CDH12: variants seen among roughly 807,000 people sequenced by gnomAD.
CDH12 encodes cadherin-12.
In CDH12, 41 loss-of-function variants were observed where a neutral mutation model predicts 74.1. That is an observed-to-expected ratio of 0.55 (90% confidence interval 0.43 to 0.72). The LOEUF (loss-of-function observed/expected upper bound fraction) is 0.72. CDH12 is among the 30% of genes least tolerant of loss of function. The pLI is 0.00. For missense variants in CDH12, 945 were observed against 977.2 expected (o/e 0.97, Z 0.44); for synonymous variants, 399 against 355.0 (o/e 1.12, Z -1.39).
chr5:22,823,167 G>A (rs1178635730), intron 1 of CDH12, among the ~76,000 whole-genome samples: 2 of 150,052 alleles, frequency 1.3e-5, no homozygotes, highest in East Asian at 4.0e-4. Flanking sequence ...CTCACTCATA[G>A]GTGGGAATTG....
intron 6 of CDH12, among the ~76,000 whole-genome samples, chr5:21,909,740 CAT>C (rs1753785666): frequency 1.3e-5 from 2 of 152,236 alleles, no homozygotes; most frequent in Middle Eastern, 3.4e-3. Context: ...CTTAGAGAGA[CAT>C]GTGTAAACCC....
intron 2 of CDH12, among the ~76,000 whole-genome samples, chr5:22,477,058 C>T (rs978214162): frequency 2.0e-5 from 3 of 152,052 alleles, no homozygotes; most frequent in Non-Finnish European, 2.9e-5. Flanking sequence ...GTTATACACA[C>T]GCATACACAA....
chr5:22,513,137 T>C (rs1378598813), intron 1 of CDH12, among the ~76,000 whole-genome samples: 1 of 152,160 alleles, frequency 6.6e-6, no homozygotes, highest in Non-Finnish European at 1.5e-5. Flanking sequence ...AAAATCCCAC[T>C]GATATCTCTT....
At chr5:22,417,794 C>A (rs1743463050) in intron 2 of CDH12, among the ~76,000 whole-genome samples, 1 of 152,056 alleles carries the variant, frequency 6.6e-6, no homozygotes, top group Non-Finnish European at 1.5e-5. Context: ...ATTTTCATAA[C>A]CTTTTTACAT....
At chr5:21,909,015 TTCTG>T (rs1045516747) in intron 6 of CDH12, among the ~76,000 whole-genome samples, 5 of 152,222 alleles carry the variant, frequency 3.3e-5, no homozygotes, top group African/African-American at 7.2e-5. Flanking sequence ...TTTCCTTGGC[TTCTG>T]TCTGTTTTTT....
intron 1 of CDH12, among the ~76,000 whole-genome samples, chr5:22,582,900 A>G (rs925089932): frequency 6.6e-5 from 10 of 152,136 alleles, no homozygotes; most frequent in Admixed American, 6.6e-4. Context: ...GGCCAGCACT[A>G]TAGGGGGATT....
chr5:22,293,206 G>T (rs548817665), intron 3 of CDH12, among the ~76,000 whole-genome samples: 2 of 152,090 alleles, frequency 1.3e-5, no homozygotes. Context: ...TAGATTGTGC[G>T]GTCTGACCCC....
intron 1 of CDH12, among the ~76,000 whole-genome samples, chr5:22,519,558 G>A (rs1479239371): frequency 6.6e-6 from 1 of 151,692 alleles, no homozygotes; most frequent in Non-Finnish European, 1.5e-5. Context: ...TGAGTAGCTG[G>A]GACTACAGGC....
chr5:22,370,664 T>C (rs1415969950), intron 3 of CDH12, among the ~76,000 whole-genome samples: 1 of 152,164 alleles, frequency 6.6e-6, no homozygotes, highest in Admixed American at 6.5e-5. Flanking sequence ...AGACATGTGT[T>C]AGTCAAGATT....
At chr5:22,570,500 T>A (rs1739490162) in intron 1 of CDH12, among the ~76,000 whole-genome samples, 1 of 152,100 alleles carries the variant, frequency 6.6e-6, no homozygotes, top group Non-Finnish European at 1.5e-5. Flanking sequence ...AGATGCAATG[T>A]CTATGAGCAG....
At chr5:21,855,882 C>G (rs1458691630) in intron 6 of CDH12, among the ~76,000 whole-genome samples, 1 of 151,606 alleles carries the variant, frequency 6.6e-6, no homozygotes, top group African/African-American at 2.4e-5. Context: ...TTCATTTCTA[C>G]CATTTTCTTT....
intron 1 of CDH12, among the ~76,000 whole-genome samples, chr5:22,775,032 T>C (rs1215304841): frequency 6.6e-6 from 1 of 151,124 alleles, no homozygotes; most frequent in African/African-American, 2.4e-5. Context: ...TTATATAATA[T>C]CTATATATAT....
intron 6 of CDH12, among the ~76,000 whole-genome samples, chr5:21,933,810 G>A (rs952211200): frequency 6.6e-6 from 1 of 152,180 alleles, no homozygotes; most frequent in African/African-American, 2.4e-5. Context: ...GGAGGTGGAG[G>A]AGAAGCGGTA....
intron 1 of CDH12, among the ~76,000 whole-genome samples, chr5:22,582,279 C>CT (rs34750978): frequency 0.15 from 22,544 of 152,102 alleles, 2,188 homozygotes; most frequent in East Asian, 0.33. Flanking sequence ...TTTATCTATG[C>CT]TTTTTTGGCC....
At chr5:22,294,241 G>C (rs1335708383) in intron 3 of CDH12, among the ~76,000 whole-genome samples, 1 of 152,160 alleles carries the variant, frequency 6.6e-6, no homozygotes, top group Non-Finnish European at 1.5e-5. Flanking sequence ...ATTGAGGGAA[G>C]AGTGTTCCCT....
intron 13 of CDH12, among the ~76,000 whole-genome samples, chr5:21,757,857 C>T (rs939943477): frequency 6.6e-6 from 1 of 152,158 alleles, no homozygotes; most frequent in African/African-American, 2.4e-5. Flanking sequence ...CATATTGAAT[C>T]TAGGGCATCT....
Position 21,907,045 on chromosome 5 carries a change from C to A in CDH12, c.527-52255G>T, listed in dbSNP as rs147991802. Among the ~76,000 whole-genome samples the A allele has an allele frequency of 2.6e-3, 390 of 152,284 alleles. 2 individuals are homozygous for A. Among genetic ancestry groups the A allele is most frequent in the African/African-American group, 8.9e-3 (368 of 41,572 alleles). On this transcript the variant is annotated intron_variant, in intron 6 of 14. Coordinates refer to ENST00000382254, the MANE Select transcript of CDH12 (RefSeq NM_004061.5). ...AGCGACTGCGCTAAACCGGCTGTTA[C>A]AAAAGACAGCCTCAGTCTTAATAGA...
chr5:21,848,743 T>C (rs1288482287), intron 7 of CDH12, among the ~76,000 whole-genome samples: 1 of 151,920 alleles, frequency 6.6e-6, no homozygotes, highest in Non-Finnish European at 1.5e-5. Flanking sequence ...AACTCTCCTA[T>C]AGGACTTATG....
chr5:22,775,414 A>T (rs1347953114), intron 1 of CDH12, among the ~76,000 whole-genome samples: 1 of 152,134 alleles, frequency 6.6e-6, no homozygotes, highest in East Asian at 1.9e-4. Context: ...TCAGGAACAG[A>T]GAAGCCTGGG....
Sources: allele counts gnomAD v4.1 joint callset (sites outside exome capture counted in the v4.1 genomes callset), GRCh38; gene constraint gnomAD v4.1.1; transcripts MANE v1.5; gene names NCBI Gene and HGNC (gene_info 2026-07-23, HGNC 2026-07-21).